EPHA5: variants seen among roughly 807,000 people sequenced by gnomAD.
The protein encoded by EPHA5 is EPH receptor A5.
A neutral mutation model predicts 105.0 loss-of-function variants in EPHA5; 60 were observed. The observed-to-expected ratio is 0.57, with a 90% CI of 0.46 to 0.71. The LOEUF is 0.71. EPHA5 is among the 30% of genes least tolerant of loss of function. EPHA5 has a pLI of 0.00. For synonymous variants in EPHA5, 513 were observed against 449.1 expected (o/e 1.14, Z -1.80); for missense variants, 1,218 against 1,274.7 (o/e 0.96, Z 0.68).
intron 8 of EPHA5, among the ~76,000 whole-genome samples, chr4:65,394,763 G>C (rs182868732): frequency 6.6e-6 from 1 of 152,094 alleles, no homozygotes; most frequent in South Asian, 2.1e-4. Context: ...TTGAGACATC[G>C]TGGTGTTGTG....
At chr4:65,607,866 T>C (rs1194103653) in intron 2 of EPHA5, among the ~76,000 whole-genome samples, 2 of 152,304 alleles carry the variant, frequency 1.3e-5, no homozygotes, top group African/African-American at 4.8e-5. Flanking sequence ...CATTCTATTA[T>C]AAAGACACAT....
intron 3 of EPHA5, among the ~76,000 whole-genome samples, chr4:65,570,969 CAAG>C (rs1440910070): frequency 6.6e-6 from 1 of 151,966 alleles, no homozygotes; most frequent in African/African-American, 2.4e-5. Flanking sequence ...CCAGAAGAAA[CAAG>C]AAAGATCATA....
intron 3 of EPHA5, among the ~76,000 whole-genome samples, chr4:65,568,512 A>AT (rs1739790502): frequency 1.3e-5 from 2 of 151,266 alleles, no homozygotes; most frequent in Admixed American, 1.3e-4. Flanking sequence ...AATATTAAAA[A>AT]TTTTTATTAA....
At chr4:65,453,781 C>T (rs1160081847) in intron 5 of EPHA5, among the ~76,000 whole-genome samples, 2 of 152,156 alleles carry the variant, frequency 1.3e-5, no homozygotes, top group African/African-American at 4.8e-5. Context: ...ACACATAAAA[C>T]CCTAAGTCAA....
chr4:65,661,724 GT>G (rs1320402464), intron 1 of EPHA5, among the ~76,000 whole-genome samples: 2 of 152,148 alleles, frequency 1.3e-5, no homozygotes, highest in Non-Finnish European at 2.9e-5. Flanking sequence ...AGCTCCTGCT[GT>G]GGACTGATGG....
chr4:65,652,557 A>G (rs1049397641), intron 1 of EPHA5, among the ~76,000 whole-genome samples: 2 of 152,158 alleles, frequency 1.3e-5, no homozygotes, highest in Non-Finnish European at 2.9e-5. Context: ...AAATCCAAGT[A>G]TATCTAACTC....
intron 1 of EPHA5, among the ~76,000 whole-genome samples, chr4:65,656,443 T>G (rs1404208053): frequency 1.3e-5 from 2 of 151,304 alleles, no homozygotes; most frequent in Admixed American, 1.3e-4. Context: ...TGATACGAGT[T>G]TTCCATATGC....
chr4:65,457,111 G>A (rs1393294312), intron 5 of EPHA5, among the ~76,000 whole-genome samples: 8 of 152,228 alleles, frequency 5.3e-5, no homozygotes, highest in African/African-American at 1.7e-4. Context: ...ACTTTCAATT[G>A]TGAACTGAAA....
chr4:65,337,358 T>A (rs1339045408), intron 14 of EPHA5, among the ~76,000 whole-genome samples: 3 of 152,098 alleles, frequency 2.0e-5, no homozygotes, highest in African/African-American at 7.2e-5. Flanking sequence ...TTAACCAGCA[T>A]CTCCCCCTCC....
At chr4:65,456,993 G>T (rs375047236) in intron 5 of EPHA5, among the ~76,000 whole-genome samples, 5 of 152,044 alleles carry the variant, frequency 3.3e-5, no homozygotes, top group African/African-American at 7.2e-5. Context: ...TTTTATTAGG[G>T]TATAATGCAA....
chr4:65,348,813 ATAT>A (rs1183773719), intron 13 of EPHA5, among the ~76,000 whole-genome samples: 4 of 41,348 alleles, frequency 9.7e-5, no homozygotes, highest in South Asian at 8.8e-4. Flanking sequence ...ATATATATAT[ATAT>A]TTTTTTTTTT....
chr4:65,640,571 C>A (rs1747574663), intron 2 of EPHA5, among the ~76,000 whole-genome samples: 1 of 152,192 alleles, frequency 6.6e-6, no homozygotes, highest in Non-Finnish European at 1.5e-5. Flanking sequence ...CAGGCGTGAG[C>A]CACTGCGCCC....
At chr4:65,484,615 A>G (rs1239950681) in intron 5 of EPHA5, among the ~76,000 whole-genome samples, 1 of 152,154 alleles carries the variant, frequency 6.6e-6, no homozygotes, top group African/African-American at 2.4e-5. Flanking sequence ...TCGGCCCAGA[A>G]TTAGAATTCT....
chr4:65,570,416 T>C (rs1740001733), intron 3 of EPHA5, among the ~76,000 whole-genome samples: 1 of 148,550 alleles, frequency 6.7e-6, no homozygotes, highest in South Asian at 2.2e-4. Flanking sequence ...TTAAAGCTCT[T>C]TAGTGTGATG....
intron 14 of EPHA5, among the ~76,000 whole-genome samples, chr4:65,345,557 T>A (rs1321351279): frequency 6.6e-6 from 1 of 152,126 alleles, no homozygotes; most frequent in African/African-American, 2.4e-5. Flanking sequence ...TAAGAGACTG[T>A]CAGATGGGGA....
chr4:65,340,276 T>C (rs1721585279), intron 14 of EPHA5, among the ~76,000 whole-genome samples: 1 of 152,154 alleles, frequency 6.6e-6, no homozygotes, highest in African/African-American at 2.4e-5. Context: ...TTATTCTTCA[T>C]GTTGCGATAT....
rs1415418849 is a variant in EPHA5, at chr4:65,601,625, G to A, written c.910+16C>T. The A allele has an allele frequency of 4.4e-6, 7 of 1,607,228 alleles. No individual in the cohort carries two copies. The highest frequency in any genetic ancestry group is 2.2e-5 in the South Asian group (2 of 90,610). On this transcript the variant is annotated intron_variant, in intron 3 of 16. Coordinates refer to ENST00000613740, the MANE Select transcript of EPHA5 (RefSeq NM_001281766.3). ...TGAAGCAGACAGCCCCTGCAGATCT[G>A]GAGGCAAACTCTTACCTTGACAGGT...
At chr4:65,587,519 T>A (rs1440852415) in intron 3 of EPHA5, among the ~76,000 whole-genome samples, 1 of 152,170 alleles carries the variant, frequency 6.6e-6, no homozygotes, top group Non-Finnish European at 1.5e-5. Flanking sequence ...GATTGAGAAC[T>A]TTAAACCCAT....
chr4:65,520,968 G>T (rs967310289), intron 3 of EPHA5, among the ~76,000 whole-genome samples: 2 of 152,090 alleles, frequency 1.3e-5, no homozygotes, highest in Non-Finnish European at 2.9e-5. Context: ...ACAGTTTGGC[G>T]ATTCCTCAAG....
Sources: gnomAD v4.1 joint callset for allele counts (sites outside exome capture counted in the v4.1 genomes callset) on GRCh38, gnomAD v4.1.1 for gene constraint, MANE v1.5 for transcripts, NCBI Gene and HGNC (gene_info 2026-07-23, HGNC 2026-07-21) for gene names.